PPP2CA: variants seen among roughly 807,000 people sequenced by gnomAD.
The protein encoded by PPP2CA is protein phosphatase 2 catalytic subunit alpha.
PPP2CA carries 5 observed loss-of-function variants against 38.8 expected under a neutral mutation model. The ratio of observed to expected loss-of-function variants is 0.13; its 90% CI spans 0.07 to 0.27. The LOEUF (loss-of-function observed/expected upper bound fraction) is 0.27. PPP2CA is among the 10% of genes least tolerant of loss of function. The pLI is 1.00. For missense variants in PPP2CA, 88 were observed against 389.7 expected (o/e 0.23, Z 6.52); for synonymous variants, 152 against 134.0 (o/e 1.13, Z -0.93).
At chr5:134,206,478 A>G (rs1460789217) in intron 1 of PPP2CA, among the ~76,000 whole-genome samples, 1 of 152,212 alleles carries the variant, frequency 6.6e-6, no homozygotes, top group East Asian at 1.9e-4. Flanking sequence ...AGTTCTAACT[A>G]CAATGCAGCA....
Position 134,197,750 on chromosome 5 carries a change from A to G in PPP2CA, c.*22T>C. On this transcript the variant is annotated 3_prime_UTR_variant, in exon 7 of 7. Transcript: ENST00000481195. ...AGGTCGATATATGGTTCATGGCAATACTGTACAAGTTTAAAATTTCATTAC... is the reference window on the plus strand; with the variant it reads ...AGGTCGATATATGGTTCATGGCAATGCTGTACAAGTTTAAAATTTCATTAC... 1 of 1,589,648 alleles carries G rather than the reference A, an allele frequency of 6.3e-7. No individual in the cohort carries two copies. Among genetic ancestry groups the G allele is most frequent in the Non-Finnish European group, 8.6e-7 (1 of 1,157,954 alleles).
intron 4 of PPP2CA, 82 bp from the exon 5 acceptor site, chr5:134,200,578 C>T: frequency 7.0e-7 from 1 of 1,433,866 alleles, no homozygotes; most frequent in Non-Finnish European, 9.5e-7. Flanking sequence ...GAAGCAGCAC[C>T]CTAAGCCACC....
In PPP2CA at chr5:134,225,901, C is replaced by T. The variant is rs770011515; in HGVS notation, c.-40G>A. ...CAGCCGGCTGCCGCTCCGCGCTGCTCCCGCGCCGCCGCCCGCACACGGGCC... is the reference window on the plus strand; with the variant it reads ...CAGCCGGCTGCCGCTCCGCGCTGCTTCCGCGCCGCCGCCCGCACACGGGCC... On this transcript the variant is annotated 5_prime_UTR_variant, in exon 1 of 7. Coordinates refer to ENST00000481195, the MANE Select transcript of PPP2CA (RefSeq NM_002715.4). 2.5e-6 allele frequency: 4 copies of T among 1,578,006 alleles called. No individual in the cohort carries two copies. The highest frequency in any genetic ancestry group is 1.4e-5 in the African/African-American group (1 of 73,454).
At chr5:134,224,316 G>T in intron 1 of PPP2CA, 1 of 455,668 alleles carries the variant, frequency 2.2e-6, no homozygotes, top group South Asian at 1.6e-5. Flanking sequence ...CCATTAAAAG[G>T]CATCTCCAAC....
intron 1 of PPP2CA, among the ~76,000 whole-genome samples, chr5:134,222,742 T>C (rs538475345): frequency 6.6e-6 from 1 of 152,340 alleles, no homozygotes; most frequent in Non-Finnish European, 1.5e-5. Flanking sequence ...ACTGATGTAA[T>C]GCTGATTATA....
In PPP2CA at chr5:134,197,624, T is replaced by C; in HGVS notation, c.*148A>G. ...GCTGTTGATGACAAGAGGCTTTGTA[T>C]TTTTATATGGCACATCTTTTGGTCC... On this transcript the variant is annotated 3_prime_UTR_variant, in exon 7 of 7. Coordinates refer to ENST00000481195, the MANE Select transcript of PPP2CA (RefSeq NM_002715.4). 1.5e-6 allele frequency: 1 copy of C among 648,166 alleles called. No individual in the cohort carries two copies. The highest frequency in any genetic ancestry group is 2.7e-5 in the East Asian group (1 of 36,430). The allele number at this position is 648,166 out of a possible 1,614,324, so 40.2% of individuals were successfully genotyped here.
chr5:134,209,587 C>T (rs1480719123), intron 1 of PPP2CA, among the ~76,000 whole-genome samples: 1 of 152,142 alleles, frequency 6.6e-6, no homozygotes, highest in African/African-American at 2.4e-5. Flanking sequence ...CCAGACCAGC[C>T]TGGCCAACAT....
chr5:134,218,454 C>T (rs554816998), intron 1 of PPP2CA, among the ~76,000 whole-genome samples: 1 of 152,244 alleles, frequency 6.6e-6, no homozygotes, highest in South Asian at 2.1e-4. Context: ...CAACCTTTAC[C>T]AACTAACCTA....
chr5:134,208,297 T>A (rs578228216), intron 1 of PPP2CA, among the ~76,000 whole-genome samples: 3 of 152,360 alleles, frequency 2.0e-5, no homozygotes, highest in Non-Finnish European at 4.4e-5. Context: ...AGTTCCTTAC[T>A]ACAACTGACT....
intron 1 of PPP2CA, among the ~76,000 whole-genome samples, chr5:134,223,251 C>T (rs1762483701): frequency 6.6e-6 from 1 of 152,118 alleles, no homozygotes; most frequent in Non-Finnish European, 1.5e-5. Context: ...AGAAGGCAAT[C>T]ACACCAAAAA....
At position 134,196,358 on chromosome 5, in the gene PPP2CA, A is replaced by T. The variant is rs879653402; in HGVS notation, c.*1414T>A. The T allele has an allele frequency of 3.9e-5, 6 of 152,236 alleles. No homozygotes were observed. Among genetic ancestry groups the T allele is most frequent in the Non-Finnish European group, 8.8e-5 (6 of 68,042 alleles). 9.4% of individuals were successfully genotyped at this position (152,236 alleles called of 1,614,324 possible). On this transcript the variant is annotated 3_prime_UTR_variant, in exon 7 of 7. Coordinates refer to ENST00000481195, the MANE Select transcript of PPP2CA (RefSeq NM_002715.4). The stretch of plus-strand genomic sequence containing the variant: ...TAAAATATCAAATATTAGTTCCCAC[A>T]GAAGAACTTTTTTTTAAACATCTAA...
At chr5:134,215,287 G>A (rs550223059) in intron 1 of PPP2CA, among the ~76,000 whole-genome samples, 5 of 152,144 alleles carry the variant, frequency 3.3e-5, no homozygotes, top group African/African-American at 1.2e-4. Context: ...ATTATTCGTA[G>A]GGCTGGGTGC....
intron 1 of PPP2CA, among the ~76,000 whole-genome samples, chr5:134,215,292 G>A (rs1762292882): frequency 6.6e-6 from 1 of 152,098 alleles, no homozygotes; most frequent in African/African-American, 2.4e-5. Flanking sequence ...TCGTAGGGCT[G>A]GGTGCAGTGG....
rs769287398 is a variant in PPP2CA, at chr5:134,206,000, T to G, written c.234A>C (p.Thr78=). 4 of 1,614,158 alleles carry G rather than the reference T, an allele frequency of 2.5e-6. No individual in the cohort carries two copies. The highest frequency in any genetic ancestry group is 2.2e-5 in the South Asian group (2 of 91,080). Residue 78 remains threonine, a synonymous_variant, in exon 2 of 7, where the codon ACA becomes ACC. Transcript: ENST00000481195. ...CATAATCTCCCATAAACAAGTAATT[T>G]GTATCTGGTGATTTGCCACCAATTC... ...LFRIGGKSPD[T]NYLFMGDYVD...
intron 1 of PPP2CA, among the ~76,000 whole-genome samples, chr5:134,218,871 G>A (rs1278034340): frequency 2.6e-5 from 4 of 151,892 alleles, no homozygotes; most frequent in Admixed American, 2.0e-4. Context: ...GGGTTTCACC[G>A]TGCTAGCCAG....
chr5:134,209,695 T>C (rs1360841650), intron 1 of PPP2CA, among the ~76,000 whole-genome samples: 1 of 151,956 alleles, frequency 6.6e-6, no homozygotes, highest in Admixed American at 6.6e-5. Context: ...TGAGAATAGC[T>C]TGAACCTGGG....
At chr5:134,204,549 C>T (rs1253733822) in intron 2 of PPP2CA, among the ~76,000 whole-genome samples, 1 of 152,186 alleles carries the variant, frequency 6.6e-6, no homozygotes, top group East Asian at 1.9e-4. Context: ...TAGCCTTGAC[C>T]TCCCAGGTTC....
chr5:134,200,217 A>G (rs893987727), intron 5 of PPP2CA, 118 bp downstream of exon 5: 25 of 1,154,484 alleles, frequency 2.2e-5, no homozygotes, highest in Non-Finnish European at 2.8e-5. Context: ...ATAATGATAA[A>G]CTCATCAGAA....
intron 1 of PPP2CA, among the ~76,000 whole-genome samples, chr5:134,214,339 T>C (rs187935613): frequency 1.3e-5 from 2 of 152,342 alleles, no homozygotes; most frequent in South Asian, 2.1e-4. Flanking sequence ...TACATTATAG[T>C]GATTTTTTAA....
Sources: gnomAD v4.1 joint callset for allele counts (sites outside exome capture counted in the v4.1 genomes callset) on GRCh38, gnomAD v4.1.1 for gene constraint, MANE v1.5 for transcripts, NCBI Gene and HGNC (gene_info 2026-07-23, HGNC 2026-07-21) for gene names.